The following TMPRSS2 variants were observed in gnomAD, a reference collection of about 807,000 sequenced individuals.
The protein encoded by TMPRSS2 is transmembrane protease serine 2.
TMPRSS2 carries 59 observed loss-of-function variants against 67.4 expected under a neutral mutation model. The ratio of observed to expected loss-of-function variants is 0.88; its 90% confidence interval spans 0.71 to 1.09. The LOEUF is 1.09. Among genes scored for constraint, TMPRSS2 ranks in the 50% least tolerant of loss-of-function variants. TMPRSS2 has a pLI of 0.00. For synonymous variants in TMPRSS2, 257 were observed against 257.0 expected (o/e 1.00, Z 0.00); for missense variants, 668 against 642.7 (o/e 1.04, Z -0.43).
At chr21:41,469,661 C>A (rs1360563304) in intron 11 of TMPRSS2, among the ~76,000 whole-genome samples, 1 of 152,154 alleles carries the variant, frequency 6.6e-6, no homozygotes, top group Non-Finnish European at 1.5e-5. Context: ...TAGCCGGGAC[C>A]TTGTGATCCC....
At chr21:41,480,440 G>A (rs2146451433) in intron 6 of TMPRSS2, 36 bp downstream of exon 6, 1 of 1,608,016 alleles carries the variant, frequency 6.2e-7, no homozygotes, top group Non-Finnish European at 8.5e-7. Flanking sequence ...TCTGCTGTCT[G>A]TTACTGTCAC....
intron 2 of TMPRSS2, among the ~76,000 whole-genome samples, chr21:41,495,896 G>A (rs2091378032): frequency 6.7e-6 from 1 of 149,502 alleles, no homozygotes; most frequent in Non-Finnish European, 1.5e-5. Flanking sequence ...TGCCCAATGG[G>A]CTATGTATTC....
chr21:41,497,945 T>A (rs2091396402), intron 2 of TMPRSS2, among the ~76,000 whole-genome samples, 174 bp downstream of exon 2: 1 of 152,240 alleles, frequency 6.6e-6, no homozygotes, highest in Non-Finnish European at 1.5e-5. Context: ...CCTGGGCAGC[T>A]GTGTGGCTGC....
intron 5 of TMPRSS2, chr21:41,487,485 C>T (rs1011857439): frequency 2.0e-5 from 3 of 152,208 alleles, no homozygotes; most frequent in Non-Finnish European, 4.4e-5. Flanking sequence ...ATCATAGTGA[C>T]TGCAGTTAAT....
At chr21:41,471,166 G>T (rs1447779252) in intron 10 of TMPRSS2, among the ~76,000 whole-genome samples, 1 of 152,208 alleles carries the variant, frequency 6.6e-6, no homozygotes, top group Non-Finnish European at 1.5e-5. Context: ...ATACAGACAT[G>T]CTGTAGGGAG....
At position 41,502,342 on chromosome 21, in the gene TMPRSS2, G is replaced by C. The variant is rs567362297; in HGVS notation, c.-56-4153C>G. 1.0e-4 allele frequency: 100 copies of C among 976,306 alleles called. No homozygotes were observed. In the African/African-American group the frequency reaches 1.7e-3, roughly 17 times the overall value. The allele number at this position is 976,306 out of a possible 1,614,324, so 60.5% of individuals were successfully genotyped here. A position where few individuals can be genotyped will look rare whatever the true frequency, so the allele number is the denominator to read the frequency against. On this transcript the variant is annotated intron_variant, in intron 1 of 13. Transcript: ENST00000332149. ...ACACTGACTCCCACCCAAGATCCAG[G>C]GGTATTCTCTGCAATGAAGTCTCCA...
chr21:41,476,531 T>G (rs1569015055), intron 8 of TMPRSS2, 46 bp downstream of exon 8: 1 of 1,585,568 alleles, frequency 6.3e-7, no homozygotes, highest in Non-Finnish European at 8.7e-7. Flanking sequence ...AGTAGAGAGC[T>G]TTTCCTAGTT....
intron 1 of TMPRSS2, among the ~76,000 whole-genome samples, chr21:41,499,989 A>G (rs998254486): frequency 5.3e-5 from 8 of 152,192 alleles, no homozygotes; most frequent in African/African-American, 1.9e-4. Flanking sequence ...ACCTGGCCAG[A>G]CCAGTGTCCA....
Position 41,506,542 on chromosome 21 carries a change from G to A in TMPRSS2, c.-57+1539C>T, listed in dbSNP as rs144458055. The A allele has an allele frequency of 5.1e-3, 774 of 152,414 alleles. 4 individuals carry two copies. Among genetic ancestry groups the A allele is most frequent in the Middle Eastern group, 0.01 (3 of 294 alleles). The allele number at this position is 152,414 out of a possible 1,614,324, so 9.4% of individuals were successfully genotyped here. ...CCTGAGCAACCTCCAGTGACTTTCT[G>A]GGGGAGCTCCCGGTTACCTAGCCCA... On this transcript the variant is annotated intron_variant, in intron 1 of 13. Transcript: ENST00000332149.
At position 41,506,542 on chromosome 21, in the gene TMPRSS2, G is replaced by C. The variant is rs144458055; in HGVS notation, c.-57+1539C>G. ...CCTGAGCAACCTCCAGTGACTTTCTGGGGGAGCTCCCGGTTACCTAGCCCA... is the reference window on the plus strand; with the variant it reads ...CCTGAGCAACCTCCAGTGACTTTCTCGGGGAGCTCCCGGTTACCTAGCCCA... On this transcript the variant is annotated intron_variant, in intron 1 of 13. Transcript: ENST00000332149. 596 of 152,412 alleles carry C rather than the reference G, an allele frequency of 3.9e-3. 1 individual carries two copies. The highest frequency in any genetic ancestry group is 0.013 in the African/African-American group (540 of 41,560). 9.4% of individuals were successfully genotyped at this position (152,412 alleles called of 1,614,324 possible). A position where few individuals can be genotyped will look rare whatever the true frequency, so the allele number is the denominator to read the frequency against.
intron 9 of TMPRSS2, 66 bp downstream of exon 9, chr21:41,473,259 C>T (rs2091150586): frequency 6.7e-7 from 1 of 1,491,118 alleles, no homozygotes; most frequent in Non-Finnish European, 9.0e-7. Context: ...GAGACCTGCT[C>T]AAGGTCACAG....
chr21:41,471,739 T>A, intron 10 of TMPRSS2, 67 bp downstream of exon 10: 2 of 1,503,790 alleles, frequency 1.3e-6, no homozygotes, highest in Non-Finnish European at 1.8e-6. Flanking sequence ...ATAGCACAAG[T>A]GTCATTTCCA....
At chr21:41,472,555 G>C (rs1302671315) in intron 9 of TMPRSS2, among the ~76,000 whole-genome samples, 4 of 152,080 alleles carry the variant, frequency 2.6e-5, no homozygotes, top group African/African-American at 9.7e-5. Flanking sequence ...TGTGAAGAGG[G>C]GGAGAGAAGG....
At chr21:41,466,609 G>T (rs1394736022) in intron 13 of TMPRSS2, among the ~76,000 whole-genome samples, 4 of 152,040 alleles carry the variant, frequency 2.6e-5, no homozygotes, top group African/African-American at 9.7e-5. Context: ...CTAGCACTGG[G>T]CCCTGGGCCA....
intron 4 of TMPRSS2, 38 bp from the exon 5 acceptor site, chr21:41,488,551 G>A (rs1189197454): frequency 8.2e-6 from 13 of 1,588,994 alleles, no homozygotes; most frequent in Non-Finnish European, 1.1e-5. Flanking sequence ...CCTTCAGGCT[G>A]AGAAACGCAA....
At position 41,470,594 on chromosome 21, in the gene TMPRSS2, C is replaced by G. The variant is rs959917181; in HGVS notation, c.1171+54G>C. On this transcript the variant is annotated intron_variant, in intron 11 of 13. Coordinates refer to ENST00000332149, the MANE Select transcript of TMPRSS2 (RefSeq NM_005656.4). ...AAAACCTGGACCTCCCACTTCCGAA[C>G]CCAATGCTCCATCTGTGGGCCCTGC... 5 of 1,554,876 alleles carry G rather than the reference C, an allele frequency of 3.2e-6. No homozygotes were observed. The African/African-American group carries it at 6.8e-5, about 21-fold the overall frequency.
chr21:41,483,097 A>G (rs1467057575), intron 5 of TMPRSS2, among the ~76,000 whole-genome samples: 2 of 152,212 alleles, frequency 1.3e-5, no homozygotes, highest in Non-Finnish European at 2.9e-5. Flanking sequence ...ACTTCAGTTC[A>G]TCATAATGTA....
At chr21:41,503,448 C>T (rs981922975) in intron 1 of TMPRSS2, among the ~76,000 whole-genome samples, 10 of 152,210 alleles carry the variant, frequency 6.6e-5, no homozygotes, top group African/African-American at 2.4e-4. Flanking sequence ...AAGGCCGTAG[C>T]TCAGTGCCCA....
rs2091071577 is a variant in TMPRSS2, at chr21:41,464,803, G to A, written c.*1339C>T. On this transcript the variant is annotated 3_prime_UTR_variant, in exon 14 of 14. Transcript: ENST00000332149. ...CTCTACAGAGGCATGTGCACAGACA[G>A]ATCCTGCAAATGGGATTGCATGACT... 1 of 233,186 alleles carries A rather than the reference G, an allele frequency of 4.3e-6. No homozygotes were observed. Among genetic ancestry groups the A allele is most frequent in the African/African-American group, 2.2e-5 (1 of 45,344 alleles). The allele number at this position is 233,186 out of a possible 1,614,324, so 14.4% of individuals were successfully genotyped here. A position where few individuals can be genotyped will look rare whatever the true frequency, so the allele number is the denominator to read the frequency against.
Sources: gnomAD v4.1 joint callset for allele counts (sites outside exome capture counted in the v4.1 genomes callset) on GRCh38, gnomAD v4.1.1 for gene constraint, MANE v1.5 for transcripts, NCBI Gene and HGNC (gene_info 2026-07-23, HGNC 2026-07-21) for gene names.